SLC15A2: variants seen among roughly 807,000 people sequenced by gnomAD.
SLC15A2 encodes the protein kidney H(+)/peptide cotransporter.
SLC15A2 carries 77 observed loss-of-function variants against 95.5 expected under a neutral mutation model. The observed-to-expected ratio is 0.81, with a 90% CI of 0.67 to 0.97. The LOEUF (loss-of-function observed/expected upper bound fraction) is 0.97. Among genes scored for constraint, SLC15A2 ranks in the 50% least tolerant of loss-of-function variants. The pLI, the probability that SLC15A2 is intolerant of heterozygous loss-of-function variation, is 0.00. For synonymous variants in SLC15A2, 306 were observed against 306.9 expected (o/e 1.00, Z 0.03); for missense variants, 893 against 874.4 (o/e 1.02, Z -0.27).
At chr3:121,920,426 C>T (rs1309468616) in intron 7 of SLC15A2, among the ~76,000 whole-genome samples, 1 of 152,186 alleles carries the variant, frequency 6.6e-6, no homozygotes, top group Non-Finnish European at 1.5e-5. Context: ...GCCTAAGTAG[C>T]TGGGACTACA....
At chr3:121,937,108 C>A in intron 19 of SLC15A2, among the ~76,000 whole-genome samples, 1 of 115,706 alleles carries the variant, frequency 8.6e-6, no homozygotes, top group Non-Finnish European at 1.7e-5. Flanking sequence ...TCTCTTCTGG[C>A]TTGTAGGGTT....
At chr3:121,923,577 G>A (rs191695325) in intron 11 of SLC15A2, among the ~76,000 whole-genome samples, 1 of 152,330 alleles carries the variant, frequency 6.6e-6, no homozygotes, top group African/African-American at 2.4e-5. Flanking sequence ...CTATCCCAGA[G>A]TACAGCAGGG....
chr3:121,921,225 G>T (rs1176608827), intron 7 of SLC15A2, among the ~76,000 whole-genome samples: 2 of 152,184 alleles, frequency 1.3e-5, no homozygotes, highest in Non-Finnish European at 2.9e-5. Flanking sequence ...ATCTCAAAAA[G>T]ATAGATGAAA....
chr3:121,940,568 C>G (rs1710441373), intron 21 of SLC15A2, 80 bp downstream of exon 21: 1 of 1,159,072 alleles, frequency 8.6e-7, no homozygotes, highest in Non-Finnish European at 1.3e-6. Context: ...CCCCATCTCT[C>G]TGCTTCCCAC....
chr3:121,923,377 A>G, intron 11 of SLC15A2, 111 bp downstream of exon 11: 1 of 1,086,994 alleles, frequency 9.2e-7, no homozygotes, highest in Non-Finnish European at 1.4e-6. Flanking sequence ...TCTTCAGAGA[A>G]GTGCTTTTAG....
At chr3:121,906,007 A>G (rs1477429482) in intron 3 of SLC15A2, among the ~76,000 whole-genome samples, 1 of 152,098 alleles carries the variant, frequency 6.6e-6, no homozygotes, top group African/African-American at 2.4e-5. Context: ...GTCTCTAAGG[A>G]CTTGCTTTAT....
intron 1 of SLC15A2, chr3:121,895,266 T>C (rs1273154012): frequency 4.6e-5 from 7 of 152,184 alleles, no homozygotes; most frequent in Non-Finnish European, 7.3e-5. Context: ...GTAGTGACAA[T>C]GCCAGTATCA....
At chr3:121,908,778 A>G (rs969501491) in intron 3 of SLC15A2, among the ~76,000 whole-genome samples, 11 of 152,034 alleles carry the variant, frequency 7.2e-5, no homozygotes, top group Middle Eastern at 3.4e-3. Flanking sequence ...TTTCTCTTCC[A>G]TTTTCTTTTT....
intron 3 of SLC15A2, among the ~76,000 whole-genome samples, chr3:121,900,000 A>G (rs1033957887): frequency 5.9e-5 from 9 of 151,950 alleles, no homozygotes; most frequent in Non-Finnish European, 1.2e-4. Context: ...TCGTCCTCTT[A>G]TATCTTTTCT....
intron 7 of SLC15A2, among the ~76,000 whole-genome samples, chr3:121,916,374 T>C (rs969927246): frequency 5.9e-5 from 9 of 152,158 alleles, no homozygotes; most frequent in Admixed American, 2.0e-4. Flanking sequence ...ATCATTGACC[T>C]GGAAACCTGT....
At chr3:121,931,564 A>C (rs756974219) in intron 18 of SLC15A2, 75 bp from the exon 19 acceptor site, 570 of 874,326 alleles carry the variant, frequency 6.5e-4, no homozygotes, top group Non-Finnish European at 9.5e-4. Context: ...GAGAGATGAG[A>C]TCACTTTCAC....
rs754442704 is a variant in SLC15A2 at position 121,894,593 on chromosome 3, G to C, written c.105+12G>C. On this transcript the variant is annotated intron_variant, in intron 1 of 21. Coordinates refer to ENST00000489711, the MANE Select transcript of SLC15A2 (RefSeq NM_021082.4). ...AGAAGCCATCTCCGGTGAGTCCTTA[G>C]ATTCAATCCTGCCTCTGAGAGGAAT... The C allele has an allele frequency of 6.2e-7, 1 of 1,602,588 alleles. No homozygotes were observed. Among genetic ancestry groups the C allele is most frequent in the Admixed American group, 1.7e-5 (1 of 59,768 alleles).
rs1415264163 is a variant in SLC15A2 at position 121,929,016 on chromosome 3, C to T, written c.1376C>T (p.Thr459Ile). The T allele has an allele frequency of 6.2e-7, 1 of 1,614,010 alleles. No homozygotes were observed. The highest frequency in any genetic ancestry group is 8.5e-7 in the Non-Finnish European group (1 of 1,179,940). The change falls in exon 16 of 22, where the codon ACA becomes ATA. Residue 459 changes from threonine (T) to isoleucine (I), a missense_variant. By Grantham distance (89) the Thr-to-Ile change is moderately conservative (BLOSUM62 -1). Transcript: ENST00000489711. ...CACTATTCCAAACTGCACCTGAAAA[C>T]AAAAAGCCAGGATTTTCACTTCCAC... ...TPHYSKLHLKTKSQDFHFHLK... is the reference protein window; with the variant it reads ...TPHYSKLHLKIKSQDFHFHLK...
intron 7 of SLC15A2, among the ~76,000 whole-genome samples, chr3:121,921,056 A>G (rs1709995609): frequency 1.3e-5 from 2 of 152,238 alleles, no homozygotes; most frequent in South Asian, 2.1e-4. Flanking sequence ...TGGAAAATAA[A>G]AGGAAAATTA....
At chr3:121,928,341 A>G (rs1710162521) in intron 14 of SLC15A2, 80 bp from the exon 15 acceptor site, 3 of 1,521,348 alleles carry the variant, frequency 2.0e-6, no homozygotes, top group African/African-American at 2.8e-5. Context: ...CTAGGCTGTC[A>G]GAAACAACTG....
chr3:121,919,261 G>C (rs753664604), intron 7 of SLC15A2, among the ~76,000 whole-genome samples: 35 of 152,294 alleles, frequency 2.3e-4, no homozygotes, highest in South Asian at 1.7e-3. Context: ...TTGGCGAGCT[G>C]CCCAGGGGTG....
intron 19 of SLC15A2, chr3:121,939,062 A>G (rs1395434853): frequency 5.4e-5 from 14 of 258,196 alleles, no homozygotes; most frequent in Non-Finnish European, 1.0e-4. Context: ...GTCCAGGATC[A>G]AAATGCCTGA....
intron 7 of SLC15A2, among the ~76,000 whole-genome samples, chr3:121,918,652 A>G (rs1464230111): frequency 2.6e-5 from 4 of 152,196 alleles, no homozygotes; most frequent in Non-Finnish European, 5.9e-5. Context: ...CCCACAAATG[A>G]GACTAAGAAG....
chr3:121,924,956 C>T lies in SLC15A2; in HGVS notation c.1047C>T (p.Pro349=), dbSNP rs959213469. ...TCATGGTGTTACAGGTTCTAAATCC[C>T]CTTCTGGTTCTTATCTTCATCCCGT... is the stretch of plus-strand genomic sequence containing the variant. ...LQPDQMQVLN[P]LLVLIFIPLF... Residue 349 remains proline, a synonymous_variant, in exon 13 of 22, where the codon CCC becomes CCT. Coordinates refer to ENST00000489711, the MANE Select transcript of SLC15A2 (RefSeq NM_021082.4). 1.9e-6 allele frequency: 3 copies of T among 1,610,694 alleles called. No homozygotes were observed. The highest frequency in any genetic ancestry group is 1.7e-5 in the Admixed American group (1 of 60,008).
Sources: gnomAD v4.1 joint callset for allele counts (sites outside exome capture counted in the v4.1 genomes callset) on GRCh38, gnomAD v4.1.1 for gene constraint, MANE v1.5 for transcripts, NCBI Gene and HGNC (gene_info 2026-07-23, HGNC 2026-07-21) for gene names.